AASDH: variants seen among roughly 807,000 people sequenced by gnomAD.
AASDH encodes the protein aminoadipate-semialdehyde dehydrogenase, also known as beta-alanine-activating enzyme.
Under a neutral mutation model 102.3 loss-of-function variants are expected in AASDH, and 81 were observed. That is an observed-to-expected ratio of 0.79 (90% CI 0.66 to 0.95). The LOEUF (loss-of-function observed/expected upper bound fraction) is 0.95. Ranked by LOEUF, AASDH falls within the 40% of genes least tolerant of loss-of-function variation. AASDH has a pLI of 0.00. For missense variants in AASDH, 1,203 were observed against 1,266.2 expected (o/e 0.95, Z 0.76); for synonymous variants, 398 against 454.0 (o/e 0.88, Z 1.57).
At chr4:56,373,425 G>C (rs1371819857) in intron 4 of AASDH, among the ~76,000 whole-genome samples, 1 of 152,122 alleles carries the variant, frequency 6.6e-6, no homozygotes, top group Non-Finnish European at 1.5e-5. Context: ...TTACAGGTGT[G>C]AGCCACCGCG....
At position 56,338,382 on chromosome 4, in the gene AASDH, C is replaced by A. The variant is rs1261447362; in HGVS notation, c.*20G>T. 6.3e-7 allele frequency: 1 copy of A among 1,599,452 alleles called. No individual in the cohort carries two copies. On this transcript the variant is annotated 3_prime_UTR_variant, in exon 15 of 15. Coordinates refer to ENST00000205214, the MANE Select transcript of AASDH (RefSeq NM_181806.4). Reference sequence around the variant, plus strand: ...TTTCAAATATCTCACATTTGTTATACAAATAAGGACTGTATTTGATTATTT... The same window carrying A: ...TTTCAAATATCTCACATTTGTTATAAAAATAAGGACTGTATTTGATTATTT...
chr4:56,365,460 T>C lies in AASDH; in HGVS notation c.861+5991A>G, dbSNP rs1164215610. Among the ~76,000 whole-genome samples, 3 of 151,984 alleles carry C rather than the reference T, an allele frequency of 2.0e-5. 1 individual carries two copies. The highest frequency in any genetic ancestry group is 7.3e-5 in the African/African-American group (3 of 41,360). ...CACACCTATTCCAAAACTGACCAAA[T>C]AGTTGGAAGTAAAGCACTCCTCAGC... On this transcript the variant is annotated intron_variant, in intron 5 of 14. Transcript: ENST00000205214.
chr4:56,338,421 A>G lies in AASDH; in HGVS notation c.3278T>C (p.Leu1093Ser), dbSNP rs544357635. The change falls in exon 15 of 15, where the codon TTG (leucine) becomes TCG (serine). Residue 1093 changes from leucine (L) to serine (S), a missense_variant. By Grantham distance (145) the Leu-to-Ser change is moderately radical. Transcript: ENST00000205214. ...ATTTGATTATTTTTGATTGCCACCC[A>G]ATAAATCCAGACAATAAACATAATT... Reference protein sequence around the residue: ...RDNYVYCLDLLGGNQK With the variant: ...RDNYVYCLDLSGGNQK 1.9e-6 allele frequency: 3 copies of G among 1,613,596 alleles called. No homozygotes were observed. In the South Asian group the frequency reaches 3.3e-5, roughly 18 times the overall value.
At chr4:56,346,797 C>G (rs908265308) in intron 11 of AASDH, among the ~76,000 whole-genome samples, 1 of 152,134 alleles carries the variant, frequency 6.6e-6, no homozygotes, top group Non-Finnish European at 1.5e-5. Flanking sequence ...AATCCCAGCA[C>G]TTTGGGAGGC....
At chr4:56,340,582 G>A (rs1560559944) in intron 14 of AASDH, among the ~76,000 whole-genome samples, 1 of 152,160 alleles carries the variant, frequency 6.6e-6, no homozygotes, top group Non-Finnish European at 1.5e-5. Flanking sequence ...ACTACTAGAA[G>A]AAAACATAAG....
intron 14 of AASDH, 126 bp from the exon 15 acceptor site, chr4:56,338,917 GAC>G: frequency 1.0e-6 from 1 of 952,684 alleles, no homozygotes. Flanking sequence ...ACTATACACA[GAC>G]AAAATGGCTT....
rs1246576138 is a variant in AASDH, at chr4:56,378,308, T to A, written c.508A>T (p.Ile170Leu). Residue 170 changes from isoleucine (I) to leucine (L), a missense_variant, in exon 4 of 15, where the codon ATA (isoleucine) becomes TTA (leucine). Transcript: ENST00000205214. ...EKYEKEKIKS[I>L]SSEHVNEEKA... ...TCTTCATTGACATGCTCAGAACTTA[T>A]GCTTTTTATTTTTTCTTTTTCATAT... 6.2e-7 allele frequency: 1 copy of A among 1,614,208 alleles called. No homozygotes were observed. Among genetic ancestry groups the A allele is most frequent in the East Asian group, 2.2e-5 (1 of 44,888 alleles).
chr4:56,370,392 G>GAGAA lies in AASDH; in HGVS notation c.861+1055_861+1058dup, dbSNP rs568241234. Among the ~76,000 whole-genome samples, 13 of 151,768 alleles carry GAGAA rather than the reference G, an allele frequency of 8.6e-5. No homozygotes were observed. The South Asian group carries it at 2.7e-3, about 32-fold the overall frequency. On this transcript the variant is annotated intron_variant, in intron 5 of 14. Transcript: ENST00000205214. The stretch of plus-strand genomic sequence containing the variant: ...AGAGAGAGAGGGACAGAGAGAGAGA[G>GAGAA]AGAAAGAAAGAAAGAAAAGAAAAGA...
At chr4:56,377,038 G>C (rs1452340769) in intron 4 of AASDH, among the ~76,000 whole-genome samples, 2 of 148,038 alleles carry the variant, frequency 1.4e-5, no homozygotes, top group African/African-American at 5.0e-5. Context: ...CTGCACTCCA[G>C]CCTGGGCGAC....
intron 5 of AASDH, among the ~76,000 whole-genome samples, chr4:56,369,075 G>A (rs1751387240): frequency 1.3e-5 from 2 of 152,082 alleles, no homozygotes; most frequent in South Asian, 2.1e-4. Context: ...AATAACTATT[G>A]TGAGATAAAT....
chr4:56,358,596 C>A (rs1450895641), intron 5 of AASDH, among the ~76,000 whole-genome samples: 5 of 151,678 alleles, frequency 3.3e-5, no homozygotes, highest in Admixed American at 1.3e-4. Flanking sequence ...TTCTCTGCAT[C>A]CATTAAGATA....
intron 2 of AASDH, among the ~76,000 whole-genome samples, chr4:56,383,309 G>T (rs1329521192): frequency 2.0e-5 from 3 of 151,978 alleles, no homozygotes; most frequent in Non-Finnish European, 4.4e-5. Context: ...ATAGAGATGG[G>T]GTCTTGTGAA....
rs115761549 is a variant in AASDH at position 56,346,613 on chromosome 4, A to C, written c.2489-1323T>G. 5.5e-3 allele frequency among the ~76,000 whole-genome samples: 834 copies of C among 152,340 alleles called. 7 individuals carry two copies. The highest frequency in any genetic ancestry group is 0.019 in the African/African-American group (810 of 41,578). ...AGCCCCAGACTGAGAGAAAACATGC[A>C]AAACATATATCTGATAAATGATTTA... On this transcript the variant is annotated intron_variant, in intron 11 of 14. Coordinates refer to ENST00000205214, the MANE Select transcript of AASDH (RefSeq NM_181806.4).
chr4:56,374,589 T>C (rs1752141291), intron 4 of AASDH, among the ~76,000 whole-genome samples: 1 of 151,972 alleles, frequency 6.6e-6, no homozygotes, highest in African/African-American at 2.4e-5. Context: ...ATCTCCTGTT[T>C]ATTTTCCTGA....
intron 11 of AASDH, 178 bp downstream of exon 11, chr4:56,349,085 A>C: frequency 1.5e-6 from 1 of 669,160 alleles, no homozygotes; most frequent in Non-Finnish European, 2.5e-6. Flanking sequence ...GGTAGGTTCA[A>C]ATCCAGGGAC....
chr4:56,352,729 G>A (rs1749147099), intron 9 of AASDH, among the ~76,000 whole-genome samples: 1 of 152,092 alleles, frequency 6.6e-6, no homozygotes, highest in African/African-American at 2.4e-5. Context: ...GCTTAAGCTA[G>A]GACATCTCAT....
At chr4:56,383,379 A>T (rs1311567356) in intron 2 of AASDH, among the ~76,000 whole-genome samples, 1 of 152,162 alleles carries the variant, frequency 6.6e-6, no homozygotes, top group Non-Finnish European at 1.5e-5. Flanking sequence ...AGCCTCTCAA[A>T]GTGCTGGGAT....
chr4:56,342,778 T>A, intron 14 of AASDH, 57 bp downstream of exon 14: 1 of 676,830 alleles, frequency 1.5e-6, no homozygotes, highest in Non-Finnish European at 1.9e-6. Flanking sequence ...CTATTTTTTA[T>A]ATATACATTT....
chr4:56,359,657 C>A (rs1156373606), intron 5 of AASDH, among the ~76,000 whole-genome samples: 1 of 151,484 alleles, frequency 6.6e-6, no homozygotes, highest in African/African-American at 2.4e-5. Context: ...CCCCCAGGTT[C>A]AAGCGATTCT....
Sources: allele counts gnomAD v4.1 joint callset (sites outside exome capture counted in the v4.1 genomes callset), GRCh38; gene constraint gnomAD v4.1.1; transcripts MANE v1.5; gene names NCBI Gene and HGNC (gene_info 2026-07-23, HGNC 2026-07-21).